Variants in NBAS observed in about 807,000 individuals in gnomAD.
NBAS encodes NBAS subunit of NRZ tethering complex, also known as NAG/BC035112 fusion.
In NBAS, 219 loss-of-function variants were observed where a neutral mutation model predicts 302.5. The observed-to-expected ratio is 0.72, with a 90% confidence interval of 0.65 to 0.81. The LOEUF is 0.81. Among genes scored for constraint, NBAS ranks in the 30% least tolerant of loss-of-function variants. NBAS has a pLI of 0.00. For missense variants in NBAS, 2,932 were observed against 2,841.6 expected, an observed-to-expected ratio of 1.03 and a Z score of -0.72; for synonymous variants, 1,118 against 1,021.6, an observed-to-expected ratio of 1.09 and a Z score of -1.80.
intron 21 of NBAS, among the ~76,000 whole-genome samples, chr2:15,458,148 G>A (rs34023386): frequency 1.9e-3 from 293 of 152,262 alleles, no homozygotes; most frequent in Non-Finnish European, 3.3e-3. Flanking sequence ...ATTAAAGAAG[G>A]AAATGAGGGA....
chr2:14,839,039 G>A, the NBAS span, among the ~76,000 whole-genome samples: 1 of 151,900 alleles, frequency 6.6e-6, no homozygotes, highest in African/African-American at 2.4e-5. Flanking sequence ...GCACATGTGA[G>A]GACTTCTGGT....
At position 15,167,040 on chromosome 2, in the gene NBAS, G is replaced by T; in HGVS notation, c.*8C>A. On this transcript the variant is annotated 3_prime_UTR_variant, in exon 52 of 52. Transcript: ENST00000281513. ...TTTTCTGCTAAGGAGCAGGGCCACA[G>T]GTGGCCCTCACACCCAGTGCTGTGC... The T allele has an allele frequency of 6.5e-7, 1 of 1,534,622 alleles. No individual in the cohort carries two copies. The highest frequency in any genetic ancestry group is 8.8e-7 in the Non-Finnish European group (1 of 1,140,208).
At chr2:15,425,053 A>AG (rs1395249763) in intron 22 of NBAS, among the ~76,000 whole-genome samples, 2 of 152,212 alleles carry the variant, frequency 1.3e-5, no homozygotes, top group African/African-American at 2.4e-5. Flanking sequence ...GAAAAAAAAA[A>AG]GAAACCACAT....
chr2:15,364,774 C>T (rs1210878036), intron 32 of NBAS, among the ~76,000 whole-genome samples: 1 of 152,210 alleles, frequency 6.6e-6, no homozygotes, highest in Admixed American at 6.5e-5. Context: ...GAGTCCAACC[C>T]TAGCCACGAT....
chr2:15,410,622 A>G (rs1676637220), intron 25 of NBAS, among the ~76,000 whole-genome samples: 1 of 152,246 alleles, frequency 6.6e-6, no homozygotes, highest in African/African-American at 2.4e-5. Flanking sequence ...AATATGAGGG[A>G]AAAAGATAAA....
chr2:14,861,625 G>A, the NBAS span, among the ~76,000 whole-genome samples: 1 of 152,210 alleles, frequency 6.6e-6, no homozygotes, highest in African/African-American at 2.4e-5. Context: ...TCAGGATGAT[G>A]CTATCCCCTC....
At chr2:14,951,113 G>A in the NBAS span, among the ~76,000 whole-genome samples, 1 of 152,170 alleles carries the variant, frequency 6.6e-6, no homozygotes, top group Non-Finnish European at 1.5e-5. Flanking sequence ...TTCAGACTTA[G>A]ATTTATACCA....
chr2:15,177,316 T>C (rs906336594), intron 51 of NBAS, among the ~76,000 whole-genome samples: 5 of 152,204 alleles, frequency 3.3e-5, no homozygotes, highest in Admixed American at 6.5e-5. Context: ...ACTGCAGTGT[T>C]ACCATTTAGT....
the NBAS span, among the ~76,000 whole-genome samples, chr2:14,861,597 G>A: frequency 6.6e-6 from 1 of 152,192 alleles, no homozygotes; most frequent in African/African-American, 2.4e-5. Context: ...TCTTCAACAA[G>A]TACTCCTTTG....
chr2:14,784,405 T>C, the NBAS span, among the ~76,000 whole-genome samples: 2 of 152,232 alleles, frequency 1.3e-5, no homozygotes, highest in African/African-American at 2.4e-5. Context: ...GCCTATGTCC[T>C]GAATGGTAAT....
intron 21 of NBAS, among the ~76,000 whole-genome samples, chr2:15,446,321 T>A (rs555947314): frequency 9.9e-4 from 151 of 151,966 alleles, no homozygotes; most frequent in Non-Finnish European, 2.0e-3. Context: ...ACAAGACACA[T>A]CATGCAAAGA....
Position 15,242,374 on chromosome 2 carries a change from G to C in NBAS, c.5725-3688C>G, listed in dbSNP as rs566533782. 6.6e-5 allele frequency among the ~76,000 whole-genome samples: 10 copies of C among 152,248 alleles called. No individual in the cohort carries two copies. The South Asian group carries it at 1.7e-3, about 25-fold the overall frequency. ...AATGCAATCCTAAGTTAATTTTCCT[G>C]AGCCAGCTAGAACCTCTAAGAAGCA... On this transcript the variant is annotated intron_variant, in intron 44 of 51. Transcript: ENST00000281513.
At chr2:14,866,022 AT>A in the NBAS span, among the ~76,000 whole-genome samples, 1 of 152,038 alleles carries the variant, frequency 6.6e-6, no homozygotes, top group Non-Finnish European at 1.5e-5. Context: ...GATTTTTTTT[AT>A]CAGCTACAGT....
At chr2:15,376,966 T>C (rs531000245) in intron 30 of NBAS, among the ~76,000 whole-genome samples, 3 of 152,050 alleles carry the variant, frequency 2.0e-5, no homozygotes, top group African/African-American at 7.2e-5. Flanking sequence ...ATGTAAAAAA[T>C]AAAACTATCA....
chr2:14,944,429 C>A, the NBAS span, among the ~76,000 whole-genome samples: 2 of 152,366 alleles, frequency 1.3e-5, no homozygotes, highest in African/African-American at 4.8e-5. Flanking sequence ...AAGGTCGGTA[C>A]TCTTCTCCAA....
At chr2:15,087,246 ACACACACACACC>A in the NBAS span, among the ~76,000 whole-genome samples, 7 of 151,238 alleles carry the variant, frequency 4.6e-5, no homozygotes, top group African/African-American at 1.7e-4. Context: ...ACACACACAC[ACACACACACACC>A]CCATATTGGT....
At chr2:15,181,523 G>A (rs1664819582) in intron 50 of NBAS, among the ~76,000 whole-genome samples, 1 of 152,192 alleles carries the variant, frequency 6.6e-6, no homozygotes, top group Admixed American at 6.5e-5. Context: ...AGGGATTTGG[G>A]GAACTGCAAG....
chr2:14,912,717 A>ATTTT, the NBAS span, among the ~76,000 whole-genome samples: 1,617 of 80,658 alleles, frequency 0.02, 37 homozygotes, highest in African/African-American at 0.068. Context: ...AAAAAAAAAA[A>ATTTT]AAAAAAAAAA....
At chr2:14,892,194 G>T in the NBAS span, among the ~76,000 whole-genome samples, 2 of 152,328 alleles carry the variant, frequency 1.3e-5, no homozygotes, top group East Asian at 3.9e-4. Context: ...TCTGTTGTAA[G>T]TAGTCCTCCT....
Sources: allele counts gnomAD v4.1 joint callset (sites outside exome capture counted in the v4.1 genomes callset), GRCh38; gene constraint gnomAD v4.1.1; transcripts MANE v1.5; gene names NCBI Gene and HGNC (gene_info 2026-07-23, HGNC 2026-07-21).